ZNF618: variants seen among roughly 807,000 people sequenced by gnomAD.
ZNF618 encodes the protein neural precursor cell expressed, developmentally down-regulated 10.
In ZNF618, 34 loss-of-function variants were observed where a neutral mutation model predicts 103.0. The observed-to-expected ratio is 0.33, with a 90% CI of 0.25 to 0.44. The LOEUF is 0.44. Among genes scored for constraint, ZNF618 ranks in the 20% least tolerant of loss-of-function variants. The pLI is 1.00. For synonymous variants in ZNF618, 551 were observed against 542.2 expected, an observed-to-expected ratio of 1.02 and a Z score of -0.23; for missense variants, 1,059 against 1,295.4, an observed-to-expected ratio of 0.82 and a Z score of 2.80.
At chr9:114,000,245 C>T (rs969987737) in intron 4 of ZNF618, among the ~76,000 whole-genome samples, 2 of 152,092 alleles carry the variant, frequency 1.3e-5, no homozygotes, top group East Asian at 1.9e-4. Flanking sequence ...TGATGAACCT[C>T]GTTGATACAG....
At chr9:114,038,104 G>C (rs1407339912) in intron 13 of ZNF618, among the ~76,000 whole-genome samples, 1 of 152,180 alleles carries the variant, frequency 6.6e-6, no homozygotes, top group African/African-American at 2.4e-5. Context: ...AGGATCCTCG[G>C]GCTAGGGACA....
intron 10 of ZNF618, among the ~76,000 whole-genome samples, chr9:114,025,073 A>T (rs1843381970): frequency 6.6e-6 from 1 of 152,194 alleles, no homozygotes; most frequent in Non-Finnish European, 1.5e-5. Context: ...ACCTTTGTCC[A>T]GCTTTATAGT....
rs889809210 is a variant in ZNF618 at position 114,056,269 on chromosome 9, A to C, written c.*6102A>C. 1 of 152,238 alleles carries C rather than the reference A, an allele frequency of 6.6e-6. No homozygotes were observed. Among genetic ancestry groups the C allele is most frequent in the Non-Finnish European group, 1.5e-5 (1 of 68,044 alleles). 9.4% of individuals were successfully genotyped at this position (152,238 alleles called of 1,614,324 possible). A position where few individuals can be genotyped will look rare whatever the true frequency, so the allele number is the denominator to read the frequency against. The stretch of plus-strand genomic sequence containing the variant: ...AACATTTACTGATGTCAAATGGAGG[A>C]AAGGAACAGAAAAAAAGATTTTTAC... On this transcript the variant is annotated 3_prime_UTR_variant, in exon 15 of 15. Transcript: ENST00000374126.
At chr9:113,883,913 C>G (rs1828758557) in intron 1 of ZNF618, among the ~76,000 whole-genome samples, 1 of 144,244 alleles carries the variant, frequency 6.9e-6, no homozygotes, top group African/African-American at 2.6e-5. Flanking sequence ...TGTTGTTGTC[C>G]TCCTGGTGGG....
chr9:114,020,435 C>T (rs997206519), intron 10 of ZNF618, among the ~76,000 whole-genome samples: 2 of 152,034 alleles, frequency 1.3e-5, no homozygotes, highest in African/African-American at 4.8e-5. Flanking sequence ...ATTGGGTCTC[C>T]CAATCCATGA....
At chr9:113,960,135 G>A (rs1836709753) in intron 1 of ZNF618, among the ~76,000 whole-genome samples, 4 of 152,168 alleles carry the variant, frequency 2.6e-5, no homozygotes, top group African/African-American at 9.7e-5. Context: ...CGTCTTGCTG[G>A]GTGTTTTCCT....
chr9:114,047,891 A>C lies in ZNF618; in HGVS notation c.1247-2A>C. 6.3e-7 allele frequency: 1 copy of C among 1,595,242 alleles called. No individual in the cohort carries two copies. On this transcript the variant is annotated splice_acceptor_variant, in intron 13 of 14. Transcript: ENST00000374126. LOFTEE classifies it high-confidence loss of function. ...AACACACTGTCCCCTTTGTGCCCAC[A>C]GCTGACAATGAAAACAACATTGCCT... is the stretch of plus-strand genomic sequence containing the variant.
intron 1 of ZNF618, among the ~76,000 whole-genome samples, chr9:113,880,950 A>G (rs1358580361): frequency 2.0e-5 from 3 of 152,146 alleles, no homozygotes; most frequent in Non-Finnish European, 4.4e-5. Flanking sequence ...TGTGCCACAT[A>G]TTTTGAGCCC....
intron 13 of ZNF618, among the ~76,000 whole-genome samples, chr9:114,040,505 G>A (rs1284817921): frequency 2.0e-5 from 3 of 151,878 alleles, no homozygotes; most frequent in African/African-American, 7.2e-5. Context: ...AACCGGCCCC[G>A]GTGTGTGATG....
At chr9:113,968,581 C>G (rs1052675959) in intron 1 of ZNF618, among the ~76,000 whole-genome samples, 5 of 152,168 alleles carry the variant, frequency 3.3e-5, no homozygotes, top group Non-Finnish European at 5.9e-5. Context: ...GCATCTGAAT[C>G]AGAATTGTAT....
At chr9:114,000,230 TCA>T (rs1457189435) in intron 4 of ZNF618, among the ~76,000 whole-genome samples, 1 of 152,136 alleles carries the variant, frequency 6.6e-6, no homozygotes, top group Non-Finnish European at 1.5e-5. Context: ...GCCAGCCGAC[TCA>T]CATGATGAAC....
At chr9:114,013,287 A>G (rs908931412) in intron 9 of ZNF618, among the ~76,000 whole-genome samples, 2 of 152,224 alleles carry the variant, frequency 1.3e-5, no homozygotes, top group African/African-American at 4.8e-5. Context: ...TAAAGACTCA[A>G]TTGTGAGAAA....
chr9:114,023,662 T>C (rs1018930369), intron 10 of ZNF618, among the ~76,000 whole-genome samples: 2 of 152,198 alleles, frequency 1.3e-5, no homozygotes, highest in African/African-American at 4.8e-5. Context: ...GGTCTATTGG[T>C]GAAAGATTCT....
intron 1 of ZNF618, among the ~76,000 whole-genome samples, chr9:113,888,389 C>T (rs1482871169): frequency 1.3e-5 from 2 of 152,260 alleles, no homozygotes; most frequent in South Asian, 4.1e-4. Flanking sequence ...CCCCATGAGC[C>T]TCAGCAGACC....
At chr9:114,030,313 C>T (rs973936912) in intron 11 of ZNF618, among the ~76,000 whole-genome samples, 3 of 152,120 alleles carry the variant, frequency 2.0e-5, no homozygotes, top group Admixed American at 1.3e-4. Flanking sequence ...AGCCAGTAGC[C>T]GTTGTGTTTT....
intron 3 of ZNF618, among the ~76,000 whole-genome samples, chr9:113,992,312 T>TGCCCAGGGTC (rs1401843343): frequency 1.3e-5 from 2 of 152,168 alleles, no homozygotes; most frequent in African/African-American, 2.4e-5. Flanking sequence ...GGATGAGAGT[T>TGCCCAGGGTC]GCCCAGGGTC....
chr9:113,910,141 T>C (rs1831396545), intron 1 of ZNF618, among the ~76,000 whole-genome samples: 1 of 152,104 alleles, frequency 6.6e-6, no homozygotes, highest in Non-Finnish European at 1.5e-5. Flanking sequence ...CCTGCTATAC[T>C]AAATGGCTCT....
At chr9:113,950,569 C>T (rs1015499214) in intron 1 of ZNF618, among the ~76,000 whole-genome samples, 3 of 152,198 alleles carry the variant, frequency 2.0e-5, no homozygotes, top group Admixed American at 6.5e-5. Flanking sequence ...CACAGGGAGA[C>T]GTCTTGCGCC....
chr9:113,876,565 T>C (rs1350662318), intron 1 of ZNF618, among the ~76,000 whole-genome samples, 152 bp downstream of exon 1: 1 of 149,754 alleles, frequency 6.7e-6, no homozygotes, highest in Non-Finnish European at 1.5e-5. Context: ...AGGGTCGGGG[T>C]CCGGAGAGCA....
Sources: allele counts gnomAD v4.1 joint callset (sites outside exome capture counted in the v4.1 genomes callset), GRCh38; gene constraint gnomAD v4.1.1; transcripts MANE v1.5; gene names NCBI Gene and HGNC (gene_info 2026-07-23, HGNC 2026-07-21).